The following DNHD1 variants were observed in gnomAD, a reference collection of about 807,000 sequenced individuals.
DNHD1 encodes the protein dynein heavy chain domain-containing protein 1.
Under a neutral mutation model 458.1 loss-of-function variants are expected in DNHD1, and 383 were observed. That is an observed-to-expected ratio of 0.84 (90% CI 0.77 to 0.91). DNHD1 has a LOEUF of 0.91. Among genes scored for constraint, DNHD1 ranks in the 40% least tolerant of loss-of-function variants. The probability of loss-of-function intolerance (pLI) is 0.00; values close to 1 mark genes in which losing one functional copy is unlikely to be tolerated. For missense variants in DNHD1, 5,336 were observed against 5,866.1 expected, an observed-to-expected ratio of 0.91 and a Z score of 2.95; for synonymous variants, 2,203 against 2,376.9, an observed-to-expected ratio of 0.93 and a Z score of 2.13.
chr11:6,554,413 G>A (rs925311700), intron 24 of DNHD1, among the ~76,000 whole-genome samples: 2 of 152,038 alleles, frequency 1.3e-5, no homozygotes, highest in Non-Finnish European at 1.5e-5. Context: ...CCTTGGTTGG[G>A]CAATGATTTC....
chr11:6,500,884 A>G lies in DNHD1; in HGVS notation c.747-1869A>G, dbSNP rs180936550. Among the ~76,000 whole-genome samples, 592 of 152,292 alleles carry G rather than the reference A, an allele frequency of 3.9e-3. 3 individuals are homozygous for G. Among genetic ancestry groups the G allele is most frequent in the Non-Finnish European group, 6.7e-3 (453 of 68,034 alleles). On this transcript the variant is annotated intron_variant, in intron 3 of 42. Transcript: ENST00000254579. Reference sequence around the variant, plus strand: ...GTTAAGTTGATAACAAGTAAAATATAATTACAAATTGTAATAAGTGCTATA... The same window carrying G: ...GTTAAGTTGATAACAAGTAAAATATGATTACAAATTGTAATAAGTGCTATA...
chr11:6,501,210 C>CATTTT (rs1481457030), intron 3 of DNHD1, among the ~76,000 whole-genome samples: 5 of 150,996 alleles, frequency 3.3e-5, no homozygotes, highest in African/African-American at 1.2e-4. Context: ...GTGGAAATCG[C>CATTTT]ATTTTACGAT....
At chr11:6,513,575 C>T (rs1007236312) in intron 7 of DNHD1, among the ~76,000 whole-genome samples, 1 of 152,202 alleles carries the variant, frequency 6.6e-6, no homozygotes, top group Non-Finnish European at 1.5e-5. Flanking sequence ...CGTAGTATTT[C>T]ACTGTATGAA....
chr11:6,533,907 T>C lies in DNHD1; in HGVS notation c.2732T>C (p.Met911Thr), dbSNP rs1564811625. The change falls in exon 14 of 43, where the codon ATG (methionine) becomes ACG (threonine). Residue 911 changes from methionine to threonine, a missense_variant. Physicochemically the swap from Met to Thr is moderately conservative, Grantham distance 81 (BLOSUM62 -1). This residue lies in a region of DNHD1 where 3,932 missense variants were observed against 4,365.6 expected (regional missense o/e 0.90). Transcript: ENST00000254579. ...CPLLAPQLLD[M>T]WEAFQFEKSQ... ...CTGCTTGCCCCACAGCTTCTGGATA[T>C]GTGGGAGGCATTTCAGTTTGAGAAA... 1 of 1,551,098 alleles carries C rather than the reference T, an allele frequency of 6.4e-7. No homozygotes were observed. The highest frequency in any genetic ancestry group is 8.7e-7 in the Non-Finnish European group (1 of 1,146,850).
chr11:6,536,582 A>G (rs901153972), intron 14 of DNHD1, among the ~76,000 whole-genome samples: 5 of 152,234 alleles, frequency 3.3e-5, no homozygotes, highest in Middle Eastern at 3.2e-3. Context: ...GATAAACAGT[A>G]TAGATATATA....
rs1564825146 is a variant in DNHD1, at chr11:6,568,783, G to C, written c.12780G>C (p.Gln4260His). 1.2e-6 allele frequency: 2 copies of C among 1,613,488 alleles called. No homozygotes were observed. The highest frequency in any genetic ancestry group is 2.2e-5 in the East Asian group (1 of 44,832). Residue 4260 changes from glutamine to histidine, a missense_variant, in exon 39 of 43, where the codon CAG (glutamine) becomes CAC (histidine). By Grantham distance (24) the Gln-to-His change is conservative. Transcript: ENST00000254579. Reference sequence around the variant, plus strand: ...TACTCTACATGCAACCCCCCACCCAGGCACTACCTCTGCTCCTCCTCCATG... The same window carrying C: ...TACTCTACATGCAACCCCCCACCCACGCACTACCTCTGCTCCTCCTCCATG... ...QQVLYMQPPT[Q>H]ALPLLLLHGL...
At chr11:6,519,414 C>G (rs1026425406) in intron 7 of DNHD1, among the ~76,000 whole-genome samples, 186 bp from the exon 8 acceptor site, 5 of 152,178 alleles carry the variant, frequency 3.3e-5, no homozygotes, top group Non-Finnish European at 7.3e-5. Context: ...CTCTATTTCA[C>G]ATCTTCTCTG....
intron 19 of DNHD1, 64 bp downstream of exon 19, chr11:6,544,310 G>C: frequency 6.5e-7 from 1 of 1,537,822 alleles, no homozygotes; most frequent in Non-Finnish European, 8.8e-7. Flanking sequence ...CAGAGGGATG[G>C]GGGTGAGAGG....
rs1301461081 is a variant in DNHD1 at position 6,533,071 on chromosome 11, CA to C, written c.2396del (p.Asn799MetfsTer11). On this transcript the variant is annotated frameshift_variant, in exon 13 of 43. Transcript: ENST00000254579. LOFTEE classifies it high-confidence loss of function. ...AAGGAAGGACATTCTTGCACACGTG[CA>C]AAATGAGTGCTGGAACCTCAGTCAA... is the stretch of plus-strand genomic sequence containing the variant. ...SIRKDILAHV[Q>X]NECWNLSQQL... The C allele has an allele frequency of 1.3e-6, 2 of 1,551,532 alleles. No homozygotes were observed. The highest frequency in any genetic ancestry group is 1.7e-6 in the Non-Finnish European group (2 of 1,146,986).
Position 6,571,471 on chromosome 11 carries a change from T to G in DNHD1, c.13911+48T>G. The G allele has an allele frequency of 2.7e-6, 4 of 1,506,660 alleles. No individual in the cohort carries two copies. The highest frequency in any genetic ancestry group is 3.6e-6 in the Non-Finnish European group (4 of 1,122,364). 93.3% of individuals were successfully genotyped at this position (1,506,660 alleles called of 1,614,324 possible). On this transcript the variant is annotated intron_variant, in intron 42 of 42. Coordinates refer to ENST00000254579, the MANE Select transcript of DNHD1 (RefSeq NM_144666.3). This position sits in a 1 kb window ranked among gnomAD's most constrained non-coding sequence, Gnocchi z 5.0. ...TCGCGGTTCCAGTCCCCTCGAAGTC[T>G]CTAATTACACCTCGCAGTTACCCCT...
chr11:6,535,048 T>G (rs1852916273), intron 14 of DNHD1, among the ~76,000 whole-genome samples: 2 of 152,186 alleles, frequency 1.3e-5, no homozygotes, highest in Admixed American at 6.5e-5. Context: ...CGCCTGGCCT[T>G]CCTTCCAGAA....
At position 6,548,009 on chromosome 11, in the gene DNHD1, A is replaced by C. The variant is rs1489963575; in HGVS notation, c.6874A>C (p.Ile2292Leu). ...TGTCAGCAGTTTTCTTTTTGCCTTG[A>C]TCTGGGGCTTTGGAGCCCACCTTCC... The part of the protein sequence containing the change: ...LAVSSFLFAL[I>L]WGFGAHLPSR... Residue 2292 changes from isoleucine to leucine, a missense_variant, in exon 22 of 43, where the codon ATC becomes CTC. Coordinates refer to ENST00000254579, the MANE Select transcript of DNHD1 (RefSeq NM_144666.3). The surrounding 1 kb of genome is among the most constrained non-coding windows in gnomAD (Gnocchi z 4.4). 6.4e-7 allele frequency: 1 copy of C among 1,551,506 alleles called. No individual in the cohort carries two copies. Among genetic ancestry groups the C allele is most frequent in the African/African-American group, 1.4e-5 (1 of 73,006 alleles).
In DNHD1 at chr11:6,548,436, A is replaced by G. The variant is rs1357382403; in HGVS notation, c.7098+34A>G. ...ACAGTAAGGCAAGAGCTGGGGTTAG[A>G]ACTTCAGGACTTATTTTAGGGGTAA... On this transcript the variant is annotated intron_variant, in intron 23 of 42. Transcript: ENST00000254579. The surrounding 1 kb of genome is among the most constrained non-coding windows in gnomAD (Gnocchi z 4.4). The G allele has an allele frequency of 1.4e-5, 22 of 1,545,068 alleles. No homozygotes were observed. In the South Asian group the frequency reaches 2.4e-4, roughly 17 times the overall value.
At chr11:6,555,877 T>C (rs944700721) in intron 24 of DNHD1, among the ~76,000 whole-genome samples, 2 of 152,180 alleles carry the variant, frequency 1.3e-5, no homozygotes, top group African/African-American at 4.8e-5. Context: ...ATTGGGGTGG[T>C]GATGACACAG....
rs539709839 is a variant in DNHD1 at position 6,497,835 on chromosome 11, C to A, written c.-381C>A. 4.1e-5 allele frequency: 9 copies of A among 221,294 alleles called. No homozygotes were observed. In the South Asian group the frequency reaches 7.2e-4, roughly 18 times the overall value. The allele number at this position is 221,294 out of a possible 1,614,324, so 13.7% of individuals were successfully genotyped here. A position where few individuals can be genotyped will look rare whatever the true frequency, so the allele number is the denominator to read the frequency against. The stretch of plus-strand genomic sequence containing the variant: ...TTCCCTTGCCTTGCCTCCTAACCCC[C>A]CTAGGCCAGGTGAGGGGGACAGGGT... On this transcript the variant is annotated 5_prime_UTR_variant, in exon 3 of 43. Coordinates refer to ENST00000254579, the MANE Select transcript of DNHD1 (RefSeq NM_144666.3).
At chr11:6,511,565 G>A in intron 7 of DNHD1, 136 bp downstream of exon 7, 1 of 1,158,732 alleles carries the variant, frequency 8.6e-7, no homozygotes, top group South Asian at 1.6e-5. Flanking sequence ...CCATTTTCCT[G>A]CCCAGCAACA....
Position 6,571,441 on chromosome 11 carries a change from C to G in DNHD1, c.13911+18C>G. 6.4e-7 allele frequency: 1 copy of G among 1,558,450 alleles called. No homozygotes were observed. The highest frequency in any genetic ancestry group is 8.7e-7 in the Non-Finnish European group (1 of 1,147,986). On this transcript the variant is annotated intron_variant, in intron 42 of 42. Transcript: ENST00000254579. This position sits in a 1 kb window ranked among gnomAD's most constrained non-coding sequence, Gnocchi z 5.0. ...ACTTCAGGGTATCTTCGCGCCGCCC[C>G]TCGTTCGCGGTTCCAGTCCCCTCGA...
chr11:6,568,460 C>T lies in DNHD1; in HGVS notation c.12545C>T (p.Ala4182Val). ...LELLGRAKVVADLESEQLLDQ... is the reference protein window; with the variant it reads ...LELLGRAKVVVDLESEQLLDQ... The stretch of plus-strand genomic sequence containing the variant: ...GACCCTTGTCTGACTCTAGTGGTTG[C>T]AGACCTGGAATCAGAACAGCTTTTA... The change falls in exon 38 of 43, where the codon GCA (alanine) becomes GTA (valine). Residue 4182 changes from alanine (A) to valine (V), a missense_variant. Physicochemically the swap from Ala to Val is moderately conservative, Grantham distance 64. Around this residue, in one of 4 missense-constraint regions of DNHD1, gnomAD observed 695 missense variants for 804.2 expected, o/e 0.86. Transcript: ENST00000254579. 9 of 1,613,498 alleles carry T rather than the reference C, an allele frequency of 5.6e-6. No individual in the cohort carries two copies. The highest frequency in any genetic ancestry group is 7.6e-6 in the Non-Finnish European group (9 of 1,179,894).
In DNHD1 at chr11:6,539,227, C is replaced by T. The variant is rs1329352561; in HGVS notation, c.3334C>T (p.Leu1112=). Reference sequence around the variant, plus strand: ...GTTTTCTCTACCTCCAGCCCTTGGGCTGGGCAGTCTCCAAACTATAGAACT... The same window carrying T: ...GTTTTCTCTACCTCCAGCCCTTGGGTTGGGCAGTCTCCAAACTATAGAACT... ...NCQCLLRALG[L]GSLQTIELLT... Residue 1112 remains leucine (L), a synonymous_variant, in exon 17 of 43, where the codon CTG becomes TTG. Coordinates refer to ENST00000254579, the MANE Select transcript of DNHD1 (RefSeq NM_144666.3). 5 of 1,550,776 alleles carry T rather than the reference C, an allele frequency of 3.2e-6. No homozygotes were observed. The African/African-American group carries it at 4.1e-5, about 13-fold the overall frequency.
Sources: allele counts gnomAD v4.1 joint callset (sites outside exome capture counted in the v4.1 genomes callset), GRCh38; gene constraint gnomAD v4.1.1; regional missense constraint gnomAD v4.1.1; non-coding constraint Gnocchi (gnomAD v3.1); transcripts MANE v1.5; gene names NCBI Gene and HGNC (gene_info 2026-07-23, HGNC 2026-07-21).